The following ACAP3 variants were observed in gnomAD, a reference collection of about 807,000 sequenced individuals.
The protein encoded by ACAP3 is arf-GAP with coiled-coil, ANK repeat and PH domain-containing protein 3.
Under a neutral mutation model 104.1 loss-of-function variants are expected in ACAP3, and 56 were observed. The ratio of observed to expected loss-of-function variants is 0.54; its 90% CI spans 0.43 to 0.67. ACAP3 has a LOEUF of 0.67. Among genes scored for constraint, ACAP3 ranks in the 30% least tolerant of loss-of-function variants. The pLI is 0.00. For missense variants in ACAP3, 1,208 were observed against 1,174.9 expected (o/e 1.03, Z -0.41); for synonymous variants, 628 against 496.2 (o/e 1.27, Z -3.53).
rs1455986217 is a variant in ACAP3 at position 1,295,557 on chromosome 1, G to A, written c.1706-3C>T. The A allele has an allele frequency of 6.2e-7, 1 of 1,611,624 alleles. No individual in the cohort carries two copies. Among genetic ancestry groups the A allele is most frequent in the South Asian group, 1.1e-5 (1 of 91,034 alleles). The stretch of plus-strand genomic sequence containing the variant: ...GAACTTACGATCCAGGGTGCCCACT[G>A]CAGGGGCAGTGCGTGTTCAGAGTGT... On this transcript the variant is annotated splice_polypyrimidine_tract_variant and splice_region_variant and intron_variant, in intron 18 of 23. Transcript: ENST00000354700.
chr1:1,307,899 C>T lies in ACAP3; in HGVS notation c.-84G>A. The T allele has an allele frequency of 1.3e-5, 11 of 816,292 alleles. No homozygotes were observed. Among genetic ancestry groups the T allele is most frequent in the Non-Finnish European group, 1.6e-5 (11 of 677,402 alleles). 50.6% of individuals were successfully genotyped at this position (816,292 alleles called of 1,614,324 possible). ...GCCGGCCCGGACCGCTCGTCCCGCC[C>T]GCGCCGCCTCGGCGCCCGCCCGCCC... On this transcript the variant is annotated 5_prime_UTR_variant, in exon 1 of 24. Coordinates refer to ENST00000354700, the MANE Select transcript of ACAP3 (RefSeq NM_030649.3).
In ACAP3 at chr1:1,295,493, C is replaced by G. The variant is rs191609941; in HGVS notation, c.1767G>C (p.Ser589=). ...DSLFCPDELD[S]LFSYFDAGAA... ...CCCCTGCGTCGAAGTAGGAGAAGAG[C>G]GAGTCCAGCTCGTCGGGACAGAAGA... Residue 589 remains serine, a synonymous_variant, in exon 19 of 24, where the codon TCG becomes TCC. Transcript: ENST00000354700. 1 of 1,612,644 alleles carries G rather than the reference C, an allele frequency of 6.2e-7. No individual in the cohort carries two copies. The highest frequency in any genetic ancestry group is 1.7e-5 in the Admixed American group (1 of 60,020).
Position 1,294,753 on chromosome 1 carries a change from C to T in ACAP3, c.1877G>A (p.Gly626Asp). ...SDGSSDVLAF[G>D]SGSVVDSVTE... ...GACGCTGTCCACCACAGAGCCCGAG[C>T]CGAAAGCCAGGACGTCCGAGCTGCC... Residue 626 changes from glycine (G) to aspartate (D), a missense_variant, in exon 20 of 24, where the codon GGC (glycine) becomes GAC (aspartate). Transcript: ENST00000354700. 6.5e-7 allele frequency: 1 copy of T among 1,549,922 alleles called. No individual in the cohort carries two copies. Among genetic ancestry groups the T allele is most frequent in the Non-Finnish European group, 8.7e-7 (1 of 1,146,750 alleles).
At position 1,304,208 on chromosome 1, in the gene ACAP3, C is replaced by G. The variant is rs1221633635; in HGVS notation, c.48-65G>C. 4 of 1,536,904 alleles carry G rather than the reference C, an allele frequency of 2.6e-6. No individual in the cohort carries two copies. In the African/African-American group the frequency reaches 4.1e-5, roughly 16 times the overall value. ...TCAGCCCCCTCGGGGCTTCACCTCC[C>G]CCCGCACCTCCCTGAGGGGCTCCAC... On this transcript the variant is annotated intron_variant, in intron 1 of 23. Transcript: ENST00000354700.
chr1:1,294,783 G>C lies in ACAP3; in HGVS notation c.1847C>G (p.Ser616Trp). The change falls in exon 20 of 24, where the codon TCG becomes TGG. Residue 616 changes from serine to tryptophan, a missense_variant. Coordinates refer to ENST00000354700, the MANE Select transcript of ACAP3 (RefSeq NM_030649.3). ...AGCCAGGACGTCCGAGCTGCCATCCGAGCTGCCCCCAAGGCCACTGTCGCT... is the reference window on the plus strand; with the variant it reads ...AGCCAGGACGTCCGAGCTGCCATCCCAGCTGCCCCCAAGGCCACTGTCGCT... ...LSSDSGLGGS[S>W]DGSSDVLAFG... The C allele has an allele frequency of 6.5e-7, 1 of 1,549,900 alleles. No individual in the cohort carries two copies. The highest frequency in any genetic ancestry group is 8.7e-7 in the Non-Finnish European group (1 of 1,146,710).
intron 14 of ACAP3, 28 bp downstream of exon 14, chr1:1,297,794 C>T (rs546697881): frequency 3.7e-6 from 6 of 1,604,646 alleles, no homozygotes; most frequent in Middle Eastern, 1.8e-4. Flanking sequence ...TGTGCACGGG[C>T]TTGGGGCAGG....
At position 1,300,011 on chromosome 1, in the gene ACAP3, G is replaced by C; in HGVS notation, c.625C>G (p.His209Asp). ...SFFQQGYSLL[H>D]QLDPYMKKLA... is the part of the protein sequence containing the mutation. The stretch of plus-strand genomic sequence containing the variant: ...TTCTTCATGTAGGGGTCCAGCTGGT[G>C]CAGGAGGCTGTAGCCCTGCTGGAAG... The change falls in exon 8 of 24, where the codon CAC becomes GAC. Residue 209 changes from histidine (H) to aspartate (D), a missense_variant. By Grantham distance (81) the His-to-Asp change is moderately conservative. Coordinates refer to ENST00000354700, the MANE Select transcript of ACAP3 (RefSeq NM_030649.3). The C allele has an allele frequency of 6.2e-7, 1 of 1,612,478 alleles. No homozygotes were observed. The highest frequency in any genetic ancestry group is 1.1e-5 in the South Asian group (1 of 91,062).
Position 1,295,570 on chromosome 1 carries a change from G to C in ACAP3, c.1706-16C>G, listed in dbSNP as rs376350786. On this transcript the variant is annotated splice_polypyrimidine_tract_variant and intron_variant, in intron 18 of 23. Coordinates refer to ENST00000354700, the MANE Select transcript of ACAP3 (RefSeq NM_030649.3). ...AGGGTGCCCACTGCAGGGGCAGTGC[G>C]TGTTCAGAGTGTGGAACAGGCCCGG... 1 of 1,609,344 alleles carries C rather than the reference G, an allele frequency of 6.2e-7. No homozygotes were observed. Among genetic ancestry groups the C allele is most frequent in the East Asian group, 2.2e-5 (1 of 44,704 alleles).
Position 1,296,470 on chromosome 1 carries a change from A to C in ACAP3, c.1292T>G (p.Ile431Ser), listed in dbSNP as rs1436660701. The C allele has an allele frequency of 6.5e-7, 1 of 1,545,888 alleles. No homozygotes were observed. The highest frequency in any genetic ancestry group is 1.2e-5 in the South Asian group (1 of 84,074). Reference sequence around the variant, plus strand: ...AATGCAGAGCAGCACGCCCAGGTTGATGCTGGCCCAGCGGGGGTCCGGCTG... The same window carrying C: ...AATGCAGAGCAGCACGCCCAGGTTGCTGCTGGCCCAGCGGGGGTCCGGCTG... ...CGQPDPRWAS[I>S]NLGVLLCIEC... Residue 431 changes from isoleucine (I) to serine (S), a missense_variant, in exon 15 of 24, where the codon ATC becomes AGC. By Grantham distance (142) the Ile-to-Ser change is moderately radical. Transcript: ENST00000354700.
rs976306139 is a variant in ACAP3 at position 1,296,763 on chromosome 1, G to A, written c.1129-130C>T. 21 of 950,850 alleles carry A rather than the reference G, an allele frequency of 2.2e-5. 1 individual carries two copies. Among genetic ancestry groups the A allele is most frequent in the South Asian group, 9.4e-5 (6 of 63,516 alleles). 58.9% of individuals were successfully genotyped at this position (950,850 alleles called of 1,614,324 possible). A position where few individuals can be genotyped will look rare whatever the true frequency, so the allele number is the denominator to read the frequency against. Reference sequence around the variant, plus strand: ...CTCGAGCACACGCCCGCACACGCACGTACACGCGCACACCCTCACGTGGGC... The same window carrying A: ...CTCGAGCACACGCCCGCACACGCACATACACGCGCACACCCTCACGTGGGC... On this transcript the variant is annotated intron_variant, in intron 14 of 23. Coordinates refer to ENST00000354700, the MANE Select transcript of ACAP3 (RefSeq NM_030649.3).
At position 1,299,837 on chromosome 1, in the gene ACAP3, C is replaced by T. The variant is rs1336838508; in HGVS notation, c.732G>A (p.Gln244=). The change falls in exon 9 of 24, where the codon CAG becomes CAA. Residue 244 remains glutamine, a synonymous_variant. Coordinates refer to ENST00000354700, the MANE Select transcript of ACAP3 (RefSeq NM_030649.3). ...GCCGGCTGCGCGGCCTCACCCGCTG[C>T]TGGATGGCGGCGTGCTTTCGCTCCA... ...REMERKHAAI[Q]QRTLLQDFSY... 6.5e-7 allele frequency: 1 copy of T among 1,548,706 alleles called. No individual in the cohort carries two copies. Among genetic ancestry groups the T allele is most frequent in the East Asian group, 2.4e-5 (1 of 40,990 alleles).
intron 9 of ACAP3, 111 bp from the exon 10 acceptor site, chr1:1,299,467 C>A: frequency 7.7e-7 from 1 of 1,296,686 alleles, no homozygotes; most frequent in South Asian, 1.6e-5. Context: ...GTGGACCCGT[C>A]CCCAACTCCT....
chr1:1,303,926 G>T lies in ACAP3; in HGVS notation c.105+160C>A. On this transcript the variant is annotated intron_variant, in intron 2 of 23. Coordinates refer to ENST00000354700, the MANE Select transcript of ACAP3 (RefSeq NM_030649.3). This position sits in a 1 kb window ranked among gnomAD's most constrained non-coding sequence, Gnocchi z 4.0. ...GTGTGCATGTGACATGTGCACCCTG[G>T]AACACACATGCTAAGACACAGGGAC... The T allele has an allele frequency of 1.2e-6, 1 of 842,344 alleles. No individual in the cohort carries two copies. Among genetic ancestry groups the T allele is most frequent in the African/African-American group, 1.7e-5 (1 of 59,126 alleles). The allele number at this position is 842,344 out of a possible 1,614,324, so 52.2% of individuals were successfully genotyped here.
At position 1,297,804 on chromosome 1, in the gene ACAP3, G is replaced by T; in HGVS notation, c.1128+18C>A. 1 of 1,607,250 alleles carries T rather than the reference G, an allele frequency of 6.2e-7. No homozygotes were observed. Among genetic ancestry groups the T allele is most frequent in the Non-Finnish European group, 8.5e-7 (1 of 1,176,256 alleles). ...GTGTGTGTGCACGGGCTTGGGGCAG[G>T]GGCACCAAGGGCCACACCTCGCTAT... is the stretch of plus-strand genomic sequence containing the variant. On this transcript the variant is annotated intron_variant, in intron 14 of 23. Transcript: ENST00000354700.
In ACAP3 at chr1:1,301,989, CT is replaced by C; in HGVS notation, c.336del (p.Glu113ArgfsTer25). ...CCCCCAGCCCTGGGGGCCACTCACT[CT>C]TTGACAAAGCTCTGGAGCTGCTGCC... ...SVRQQLQSFV[K>X]EDVRKFKETK... On this transcript the variant is annotated frameshift_variant and splice_region_variant, in exon 5 of 24. Transcript: ENST00000354700. LOFTEE classifies it high-confidence loss of function. The C allele has an allele frequency of 6.4e-7, 1 of 1,570,280 alleles. No homozygotes were observed. The highest frequency in any genetic ancestry group is 8.6e-7 in the Non-Finnish European group (1 of 1,156,954).
chr1:1,299,523 A>T, intron 9 of ACAP3, 167 bp from the exon 10 acceptor site: 1 of 886,622 alleles, frequency 1.1e-6, no homozygotes, highest in Non-Finnish European at 1.7e-6. Context: ...GCCTGCAGCC[A>T]ACCTCTGCCC....
intron 10 of ACAP3, chr1:1,298,994 T>C (rs963184878): frequency 1.8e-6 from 1 of 553,326 alleles, no homozygotes; most frequent in Non-Finnish European, 3.2e-6. Context: ...CTCCGCATCC[T>C]GAGTGCCCCA....
In ACAP3 at chr1:1,299,211, G is replaced by T. The variant is rs113260116; in HGVS notation, c.750+134C>A. On this transcript the variant is annotated intron_variant, in intron 10 of 23. Transcript: ENST00000354700. ...TGGCCGGAGCCAGCCCCTCACAGCC[G>T]CATCAGCAGCAGGAGCCGAGACTGG... 7 of 1,191,194 alleles carry T rather than the reference G, an allele frequency of 5.9e-6. No homozygotes were observed. The African/African-American group carries it at 6.2e-5, about 11-fold the overall frequency. 73.8% of individuals were successfully genotyped at this position (1,191,194 alleles called of 1,614,324 possible).
chr1:1,296,777 C>T (rs541035916), intron 14 of ACAP3, 144 bp from the exon 15 acceptor site: 4 of 855,748 alleles, frequency 4.7e-6, no homozygotes, highest in Non-Finnish European at 7.3e-6. Flanking sequence ...ACGCGCACAC[C>T]CTCACGTGGG....
Sources: allele counts gnomAD v4.1 joint callset, GRCh38; gene constraint gnomAD v4.1.1; non-coding constraint Gnocchi (gnomAD v3.1); transcripts MANE v1.5; gene names NCBI Gene and HGNC (gene_info 2026-07-23, HGNC 2026-07-21).